The following KIF18A variants were observed in gnomAD, a reference collection of about 807,000 sequenced individuals.
KIF18A encodes kinesin-like protein KIF18A.
In KIF18A, 67 loss-of-function variants were observed where a neutral mutation model predicts 103.3. The ratio of observed to expected loss-of-function variants is 0.65; its 90% CI spans 0.53 to 0.79. The LOEUF is 0.79. Among genes scored for constraint, KIF18A ranks in the 30% least tolerant of loss-of-function variants. The pLI, the probability that KIF18A is intolerant of heterozygous loss-of-function variation, is 0.00. For missense variants in KIF18A, 1,032 were observed against 1,062.5 expected (o/e 0.97, Z 0.40); for synonymous variants, 367 against 355.5 (o/e 1.03, Z -0.36).
At chr11:28,099,409 C>G (rs1172835362) in intron 1 of KIF18A, among the ~76,000 whole-genome samples, 1 of 151,958 alleles carries the variant, frequency 6.6e-6, no homozygotes, top group Admixed American at 6.6e-5. Flanking sequence ...TTTTGGTGAT[C>G]TATTGCACAG....
intron 15 of KIF18A, among the ~76,000 whole-genome samples, chr11:28,024,300 A>G (rs1040548306): frequency 2.0e-5 from 3 of 152,072 alleles, no homozygotes; most frequent in African/African-American, 7.2e-5. Flanking sequence ...TTTTAAAATG[A>G]AAGCAGGGTA....
At chr11:28,090,218 C>A (rs557908726) in intron 5 of KIF18A, among the ~76,000 whole-genome samples, 2 of 152,204 alleles carry the variant, frequency 1.3e-5, no homozygotes, top group Non-Finnish European at 2.9e-5. Context: ...TTAAGGAATG[C>A]GACTATTTAC....
At chr11:28,082,811 T>C in intron 9 of KIF18A, 45 bp downstream of exon 9, 2 of 1,221,006 alleles carry the variant, frequency 1.6e-6, no homozygotes, top group East Asian at 2.4e-5. Flanking sequence ...AACAAAATTT[T>C]AAAACAATAA....
chr11:28,069,551 T>A, intron 10 of KIF18A, 128 bp from the exon 11 acceptor site: 1 of 831,216 alleles, frequency 1.2e-6, no homozygotes, highest in Non-Finnish European at 1.8e-6. Context: ...TTTTTGTATT[T>A]AAAGCTATTT....
rs761430167 is a variant in KIF18A at position 28,036,322 on chromosome 11, TCCTGTCC to T, written c.2284_2290del (p.Gly762ArgfsTer60). On this transcript the variant is annotated frameshift_variant, in exon 14 of 17. Coordinates refer to ENST00000263181, the MANE Select transcript of KIF18A (RefSeq NM_031217.4). LOFTEE classifies it high-confidence loss of function. Reference sequence around the variant, plus strand: ...TATAGTAAATGTAGAGTCCAAGTCCTCCTGTCCACATTCTTTTCTTCTATTATGAGGG... The same window carrying T: ...TATAGTAAATGTAGAGTCCAAGTCCTACATTCTTTTCTTCTATTATGAGGG... The T allele has an allele frequency of 6.2e-7, 1 of 1,610,798 alleles. No homozygotes were observed. Among genetic ancestry groups the T allele is most frequent in the Non-Finnish European group, 8.5e-7 (1 of 1,177,818 alleles).
intron 15 of KIF18A, among the ~76,000 whole-genome samples, chr11:28,029,014 C>A (rs977119198): frequency 6.6e-6 from 1 of 152,000 alleles, no homozygotes. Context: ...CAATAATAGG[C>A]TCTGAAATTG....
At position 28,062,485 on chromosome 11, in the gene KIF18A, A is replaced by T; in HGVS notation, c.1622T>A (p.Leu541Ter). 6.2e-7 allele frequency: 1 copy of T among 1,611,608 alleles called. No homozygotes were observed. Among genetic ancestry groups the T allele is most frequent in the Non-Finnish European group, 8.5e-7 (1 of 1,178,472 alleles). Residue 541 changes from leucine (L) to a stop codon, truncating the protein, a stop_gained, in exon 12 of 17, where the codon TTG (leucine) becomes TAG (stop). Coordinates refer to ENST00000263181, the MANE Select transcript of KIF18A (RefSeq NM_031217.4). LOFTEE classifies it high-confidence loss of function. Reference sequence around the variant, plus strand: ...TTTCAAATCTTTGTTCTGGAGGTGCAAATGGTGACAATGAAGATCTTTCTT... The same window carrying T: ...TTTCAAATCTTTGTTCTGGAGGTGCTAATGGTGACAATGAAGATCTTTCTT... ...ELKKDLHCHH[L>*]HLQNKDLKAQ...
intron 9 of KIF18A, among the ~76,000 whole-genome samples, chr11:28,078,288 A>G (rs1397989070): frequency 6.6e-6 from 1 of 152,154 alleles, no homozygotes; most frequent in African/African-American, 2.4e-5. Flanking sequence ...ATTTCATAGG[A>G]AATATGTACA....
At chr11:28,087,399 C>T (rs553635275) in intron 6 of KIF18A, among the ~76,000 whole-genome samples, 12 of 152,268 alleles carry the variant, frequency 7.9e-5, no homozygotes, top group Admixed American at 7.8e-4. Flanking sequence ...AATCCATGTG[C>T]CTGTAAAGGA....
chr11:28,072,223 T>C (rs574482933), intron 10 of KIF18A, among the ~76,000 whole-genome samples: 71 of 152,316 alleles, frequency 4.7e-4, no homozygotes, highest in African/African-American at 1.6e-3. Flanking sequence ...CACAAAAGTC[T>C]TGCGAGAGAA....
At chr11:28,033,365 C>A (rs1383853372) in intron 15 of KIF18A, among the ~76,000 whole-genome samples, 2 of 151,016 alleles carry the variant, frequency 1.3e-5, no homozygotes, top group Non-Finnish European at 3.0e-5. Context: ...TAGATACATG[C>A]CAAAATGAAA....
intron 13 of KIF18A, among the ~76,000 whole-genome samples, chr11:28,047,776 C>T (rs767836973): frequency 6.6e-6 from 1 of 151,944 alleles, no homozygotes; most frequent in Non-Finnish European, 1.5e-5. Context: ...GAATAGGAGG[C>T]AACATACTAC....
intron 12 of KIF18A, 30 bp from the exon 13 acceptor site, chr11:28,059,191 G>C: frequency 6.4e-3 from 7,195 of 1,121,614 alleles, no homozygotes; most frequent in Non-Finnish European, 8.9e-3. Context: ...AGAAAGGAGA[G>C]ATAAATATGA....
chr11:28,055,907 A>G (rs1850774574), intron 13 of KIF18A, among the ~76,000 whole-genome samples: 1 of 152,138 alleles, frequency 6.6e-6, no homozygotes, highest in African/African-American at 2.4e-5. Flanking sequence ...TTTAAATTAT[A>G]GTTGTCTCTC....
intron 15 of KIF18A, among the ~76,000 whole-genome samples, chr11:28,034,805 T>C (rs921769681): frequency 1.5e-4 from 22 of 151,724 alleles, no homozygotes; most frequent in African/African-American, 4.1e-4. Context: ...GTCTATAGCA[T>C]GTTTCTCTTT....
intron 9 of KIF18A, among the ~76,000 whole-genome samples, chr11:28,080,600 TTG>T (rs1851153481): frequency 6.6e-6 from 1 of 152,078 alleles, no homozygotes. Context: ...TAATCAAGTG[TTG>T]TGTGTGCTCT....
chr11:28,025,710 A>G (rs908957181), intron 15 of KIF18A, among the ~76,000 whole-genome samples: 2 of 151,996 alleles, frequency 1.3e-5, no homozygotes, highest in Non-Finnish European at 2.9e-5. Flanking sequence ...CATAAACTAC[A>G]AAGACTTAAA....
At chr11:28,041,329 A>C (rs1319872687) in intron 13 of KIF18A, among the ~76,000 whole-genome samples, 1 of 151,756 alleles carries the variant, frequency 6.6e-6, no homozygotes, top group Non-Finnish European at 1.5e-5. Flanking sequence ...CTAAGGATGG[A>C]ATATGTGATC....
intron 15 of KIF18A, among the ~76,000 whole-genome samples, chr11:28,027,008 T>C (rs1388535025): frequency 6.6e-6 from 1 of 151,794 alleles, no homozygotes; most frequent in African/African-American, 2.4e-5. Context: ...ACATTCCAAG[T>C]CTCTGTTATA....
Sources: gnomAD v4.1 joint callset for allele counts (sites outside exome capture counted in the v4.1 genomes callset) on GRCh38, gnomAD v4.1.1 for gene constraint, MANE v1.5 for transcripts, NCBI Gene and HGNC (gene_info 2026-07-23, HGNC 2026-07-21) for gene names.